ARNT2: variants seen among roughly 807,000 people sequenced by gnomAD.
ARNT2 encodes ARNT protein 2.
In ARNT2, 36 loss-of-function variants were observed where a neutral mutation model predicts 91.7. That is an observed-to-expected ratio of 0.39 (90% CI 0.30 to 0.52). The LOEUF is 0.52. Among genes scored for constraint, ARNT2 ranks in the 20% least tolerant of loss-of-function variants. The pLI is 0.72. For missense variants in ARNT2, 775 were observed against 939.3 expected (o/e 0.83, Z 2.29); for synonymous variants, 365 against 347.1 (o/e 1.05, Z -0.57).
intron 5 of ARNT2, among the ~76,000 whole-genome samples, chr15:80,486,651 G>A (rs1896978933): frequency 6.6e-6 from 1 of 152,202 alleles, no homozygotes. Context: ...TGCATTCACT[G>A]ATGGATCCCT....
intron 4 of ARNT2, among the ~76,000 whole-genome samples, chr15:80,472,442 C>A (rs1056669688): frequency 6.6e-6 from 1 of 152,014 alleles, no homozygotes; most frequent in East Asian, 1.9e-4. Context: ...CTGCTAGAGC[C>A]GAGACTCGAT....
chr15:80,465,072 T>A (rs1395924135), intron 3 of ARNT2, among the ~76,000 whole-genome samples: 1 of 152,254 alleles, frequency 6.6e-6, no homozygotes, highest in African/African-American at 2.4e-5. Context: ...CGGGGATTGA[T>A]GCTTCCTTTG....
intron 3 of ARNT2, 99 bp downstream of exon 3, chr15:80,458,075 C>T: frequency 7.6e-7 from 1 of 1,312,608 alleles, no homozygotes; most frequent in African/African-American, 1.5e-5. Flanking sequence ...TTGCAAAAGC[C>T]ATTGCCTGCA....
intron 3 of ARNT2, among the ~76,000 whole-genome samples, chr15:80,462,932 T>A (rs1305549534): frequency 1.3e-5 from 2 of 152,220 alleles, no homozygotes; most frequent in Admixed American, 6.5e-5. Flanking sequence ...TGTAGGCATT[T>A]TCCCCCCTGG....
chr15:80,497,285 A>G (rs1302772129), intron 5 of ARNT2, among the ~76,000 whole-genome samples: 2 of 152,278 alleles, frequency 1.3e-5, no homozygotes, highest in Non-Finnish European at 2.9e-5. Flanking sequence ...TATCTGGCTC[A>G]TGACAGATGG....
intron 15 of ARNT2, among the ~76,000 whole-genome samples, chr15:80,579,722 T>C (rs959576466): frequency 1.3e-5 from 2 of 152,184 alleles, no homozygotes; most frequent in African/African-American, 4.8e-5. Context: ...GAAAATCTCC[T>C]GGAAGAAGCG....
At chr15:80,411,013 G>T (rs950338591) in intron 1 of ARNT2, among the ~76,000 whole-genome samples, 4 of 152,046 alleles carry the variant, frequency 2.6e-5, no homozygotes, top group Non-Finnish European at 5.9e-5. Context: ...CCTCTTCTTG[G>T]AATGATTAAT....
chr15:80,495,084 C>T (rs72747554), intron 5 of ARNT2, among the ~76,000 whole-genome samples: 10,618 of 151,210 alleles, frequency 0.07, 536 homozygotes, highest in Non-Finnish European at 0.1. Context: ...GGCACCCCCA[C>T]CCCTGTAAGC....
chr15:80,436,392 G>A (rs1896086507), intron 1 of ARNT2: 2 of 154,456 alleles, frequency 1.3e-5, no homozygotes, highest in African/African-American at 4.8e-5. Flanking sequence ...TCCTACCTGG[G>A]GAAACAGAAA....
rs530479856 is a variant in ARNT2 at position 80,542,100 on chromosome 15, G to A, written c.878-9099G>A. On this transcript the variant is annotated intron_variant, in intron 8 of 18. Transcript: ENST00000303329. ...CTTAGGCACATAAAGCATTCATTCC[G>A]TTAATGAATTTGAATTTACTGAAGA... Among the ~76,000 whole-genome samples the A allele has an allele frequency of 8.1e-4, 123 of 152,290 alleles. 3 individuals carry two copies. Among genetic ancestry groups the A allele is most frequent in the East Asian group, 2.5e-3 (13 of 5,196 alleles).
chr15:80,563,751 G>T (rs1898416133), intron 12 of ARNT2, among the ~76,000 whole-genome samples: 1 of 152,194 alleles, frequency 6.6e-6, no homozygotes, highest in Non-Finnish European at 1.5e-5. Flanking sequence ...ATTCCTCCCT[G>T]CCCAGGGTCC....
At chr15:80,574,706 A>G (rs1157065871) in intron 13 of ARNT2, among the ~76,000 whole-genome samples, 1 of 152,054 alleles carries the variant, frequency 6.6e-6, no homozygotes. Context: ...TATTTAGAGT[A>G]AGTTGATTGT....
chr15:80,464,298 A>G (rs898134896), intron 3 of ARNT2, among the ~76,000 whole-genome samples: 15 of 146,514 alleles, frequency 1.0e-4, no homozygotes, highest in Non-Finnish European at 2.1e-4. Context: ...TGGGGAAAGG[A>G]GATACATCCC....
At chr15:80,472,347 G>A (rs1461582970) in intron 4 of ARNT2, among the ~76,000 whole-genome samples, 2 of 152,106 alleles carry the variant, frequency 1.3e-5, no homozygotes, top group African/African-American at 2.4e-5. Flanking sequence ...GGGAGCAGAA[G>A]GGATTTCACA....
intron 17 of ARNT2, among the ~76,000 whole-genome samples, chr15:80,589,386 A>G (rs1025923773): frequency 2.6e-5 from 4 of 152,140 alleles, no homozygotes; most frequent in Non-Finnish European, 5.9e-5. Flanking sequence ...GGCAAAGGGA[A>G]GGAGAGGTAG....
rs1016208982 is a variant in ARNT2, at chr15:80,559,565, AC to A, written c.1165-3522del. Among the ~76,000 whole-genome samples, 41 of 152,336 alleles carry A rather than the reference AC, an allele frequency of 2.7e-4. 1 individual carries two copies. Among genetic ancestry groups the A allele is most frequent in the Admixed American group, 2.7e-3 (41 of 15,304 alleles). ...TTGAACTCTGGATTTAAACAAAAGC[AC>A]TTGAATAGCCCAGACAGGAGGCCCT... On this transcript the variant is annotated intron_variant, in intron 11 of 18. Coordinates refer to ENST00000303329, the MANE Select transcript of ARNT2 (RefSeq NM_014862.4).
intron 8 of ARNT2, among the ~76,000 whole-genome samples, chr15:80,517,787 T>G (rs1170411697): frequency 6.6e-6 from 1 of 152,166 alleles, no homozygotes; most frequent in Non-Finnish European, 1.5e-5. Context: ...TACTGATGAG[T>G]CTACCAAAGG....
intron 5 of ARNT2, 159 bp downstream of exon 5, chr15:80,475,382 G>C: frequency 2.7e-6 from 2 of 734,626 alleles, no homozygotes; most frequent in East Asian, 6.0e-5. Context: ...GTGAAACCCC[G>C]TCTCTACAAA....
chr15:80,470,356 G>A lies in ARNT2; in HGVS notation c.333G>A (p.Ser111=), dbSNP rs761122065. 79 of 1,614,010 alleles carry A rather than the reference G, an allele frequency of 4.9e-5. 1 individual carries two copies. In the South Asian group the frequency reaches 7.5e-4, roughly 15 times the overall value. The stretch of plus-strand genomic sequence containing the variant: ...TCACCATCCTCCGCATGGCCGTCTC[G>A]CACATGAAGTCCATGAGGGGTACAG... ...DKLTILRMAV[S]HMKSMRGTGN... Residue 111 remains serine (S), a synonymous_variant, in exon 4 of 19, where the codon TCG becomes TCA. Transcript: ENST00000303329.
Sources: allele counts gnomAD v4.1 joint callset (sites outside exome capture counted in the v4.1 genomes callset), GRCh38; gene constraint gnomAD v4.1.1; transcripts MANE v1.5; gene names NCBI Gene and HGNC (gene_info 2026-07-23, HGNC 2026-07-21).